The following MICAL2 variants were observed in gnomAD, a reference collection of about 807,000 sequenced individuals.
MICAL2 encodes the protein microtubule associated monooxygenase, calponin and LIM domain containing 2, also known as [F-actin]-monooxygenase MICAL2.
Under a neutral mutation model 127.3 loss-of-function variants are expected in MICAL2, and 77 were observed. The observed-to-expected ratio is 0.60, with a 90% confidence interval of 0.50 to 0.73. The LOEUF is 0.73. Ranked by LOEUF, MICAL2 falls within the 30% of genes least tolerant of loss-of-function variation. The probability of loss-of-function intolerance (pLI) is 0.00; values close to 1 mark genes in which losing one functional copy is unlikely to be tolerated. For synonymous variants in MICAL2, 570 were observed against 551.1 expected, an observed-to-expected ratio of 1.03 and a Z score of -0.48; for missense variants, 1,351 against 1,434.4, an observed-to-expected ratio of 0.94 and a Z score of 0.94.
At chr11:12,277,831 A>G (rs903394239) in intron 1 of MICAL2, among the ~76,000 whole-genome samples, 4 of 152,222 alleles carry the variant, frequency 2.6e-5, no homozygotes, top group Non-Finnish European at 1.5e-5. Context: ...GCAAACCTAG[A>G]TGGGCAAGCT....
chr11:12,212,608 A>G (rs1050969347), intron 6 of MICAL2, among the ~76,000 whole-genome samples: 3 of 151,882 alleles, frequency 2.0e-5, no homozygotes, highest in Non-Finnish European at 2.9e-5. Flanking sequence ...TTCAAAGGAC[A>G]CCAGTCATAT....
chr11:12,119,152 T>TC (rs1285493934), intron 1 of MICAL2, among the ~76,000 whole-genome samples: 1 of 152,042 alleles, frequency 6.6e-6, no homozygotes, highest in Non-Finnish European at 1.5e-5. Context: ...GGCTCTGGGT[T>TC]CCCCCCTCCT....
chr11:12,241,141 A>C lies in MICAL2; in HGVS notation c.2316A>C (p.Pro772=), dbSNP rs778859804. 2 of 1,613,932 alleles carry C rather than the reference A, an allele frequency of 1.2e-6. No individual in the cohort carries two copies. The highest frequency in any genetic ancestry group is 2.2e-5 in the South Asian group (2 of 91,056). ...AGCCGGAGGAGGCCACACCCAGCCC[A>C]TCACCTCCTCTGAAAAGGCAGGTAG... The part of the protein sequence containing the change: ...CPKPEEATPS[P]SPPLKRQFPS... Residue 772 remains proline, a synonymous_variant, in exon 18 of 28, where the codon CCA becomes CCC. Coordinates refer to ENST00000683283, the MANE Select transcript of MICAL2 (RefSeq NM_001282663.2).
intron 30 of MICAL2, among the ~76,000 whole-genome samples, chr11:12,323,596 T>G (rs1485747844): frequency 4.0e-5 from 6 of 151,776 alleles, no homozygotes; most frequent in African/African-American, 1.2e-4. Flanking sequence ...ATTATAGCAA[T>G]TCCCAGCTAC....
intron 21 of MICAL2, among the ~76,000 whole-genome samples, chr11:12,248,101 G>C (rs559543915): frequency 3.9e-5 from 6 of 152,308 alleles, no homozygotes; most frequent in African/African-American, 1.4e-4. Flanking sequence ...TACTCACAGG[G>C]ATGCAAACTT....
At chr11:12,330,857 G>GAGA (rs1565307326) in intron 32 of MICAL2, among the ~76,000 whole-genome samples, 2 of 132,628 alleles carry the variant, frequency 1.5e-5, no homozygotes, top group Admixed American at 7.4e-5. Context: ...GACAGAGAGA[G>GAGA]GGGTAGAGAG....
intron 22 of MICAL2, among the ~76,000 whole-genome samples, chr11:12,251,385 T>C (rs1197440455): frequency 1.3e-5 from 2 of 151,920 alleles, no homozygotes; most frequent in Non-Finnish European, 1.5e-5. Context: ...ACCTTCACAT[T>C]GGCCTTTGGG....
chr11:12,207,363 C>A (rs763466329), intron 4 of MICAL2, among the ~76,000 whole-genome samples: 18 of 152,166 alleles, frequency 1.2e-4, no homozygotes, highest in Non-Finnish European at 2.2e-4. Context: ...ACAGAAGGGC[C>A]CACAGAAAGT....
intron 15 of MICAL2, among the ~76,000 whole-genome samples, chr11:12,230,014 T>C (rs984911159): frequency 2.0e-5 from 3 of 152,206 alleles, no homozygotes; most frequent in African/African-American, 7.2e-5. Flanking sequence ...GATGGAGCAC[T>C]TCCTGTGGGT....
intron 1 of MICAL2, among the ~76,000 whole-genome samples, chr11:12,136,608 G>C (rs1474059420): frequency 1.3e-5 from 2 of 152,170 alleles, no homozygotes; most frequent in African/African-American, 2.4e-5. Flanking sequence ...TCATTTTATG[G>C]ATGAGGGAAC....
chr11:12,298,047 T>C lies in MICAL2; in HGVS notation c.5212+3190T>C, dbSNP rs567555786. Among the ~76,000 whole-genome samples, 12 of 152,028 alleles carry C rather than the reference T, an allele frequency of 7.9e-5. No individual in the cohort carries two copies. In the Middle Eastern group the frequency reaches 0.014, roughly 175 times the overall value. ...TCTATATGAACTTAGTATAAGCTTG[T>C]CTATCTACCAAAAAAAAAGTCCTGT... On this transcript the variant is annotated intron_variant, in intron 29 of 34. Coordinates refer to the MICAL2 transcript ENST00000646065.
chr11:12,326,615 A>G (rs1243939027), intron 31 of MICAL2, among the ~76,000 whole-genome samples: 3 of 152,216 alleles, frequency 2.0e-5, no homozygotes, highest in Non-Finnish European at 2.9e-5. Context: ...CCCATGGTGC[A>G]ATGAAAGAAC....
At chr11:12,302,592 T>TG (rs1452473322) in intron 29 of MICAL2, among the ~76,000 whole-genome samples, 3 of 152,210 alleles carry the variant, frequency 2.0e-5, no homozygotes, top group Non-Finnish European at 2.9e-5. Context: ...CTTTTGCCCA[T>TG]ACTTTTATTG....
intron 2 of MICAL2, among the ~76,000 whole-genome samples, chr11:12,158,617 T>TA (rs1253985609): frequency 2.0e-5 from 3 of 152,222 alleles, no homozygotes; most frequent in Admixed American, 6.5e-5. Flanking sequence ...TTAGGTATTA[T>TA]AAGTAATCTA....
intron 15 of MICAL2, among the ~76,000 whole-genome samples, chr11:12,233,444 A>T (rs1389454254): frequency 6.6e-6 from 1 of 152,236 alleles, no homozygotes; most frequent in Non-Finnish European, 1.5e-5. Flanking sequence ...TATGACCCAT[A>T]TCTAAATTAT....
chr11:12,214,895 T>C (rs1855954211), intron 7 of MICAL2, among the ~76,000 whole-genome samples: 5 of 152,218 alleles, frequency 3.3e-5, no homozygotes, highest in Non-Finnish European at 7.4e-5. Flanking sequence ...CTGTTACAGA[T>C]AACACTGCTT....
chr11:12,280,263 C>G (rs868088304), intron 1 of MICAL2, among the ~76,000 whole-genome samples: 3 of 152,090 alleles, frequency 2.0e-5, no homozygotes, highest in South Asian at 2.1e-4. Context: ...ATGAGCTTAT[C>G]TGACCAGAGA....
At chr11:12,276,998 C>G (rs895080638) in intron 1 of MICAL2, among the ~76,000 whole-genome samples, 3 of 152,126 alleles carry the variant, frequency 2.0e-5, no homozygotes, top group Non-Finnish European at 4.4e-5. Flanking sequence ...TGCTGAGTGA[C>G]AAACCAGCCC....
intron 2 of MICAL2, among the ~76,000 whole-genome samples, chr11:12,285,247 C>G (rs762743110): frequency 6.6e-6 from 1 of 152,022 alleles, no homozygotes; most frequent in Non-Finnish European, 1.5e-5. Flanking sequence ...AACCTCTGAG[C>G]GCAGAGTCTG....
Sources: allele counts gnomAD v4.1 joint callset (sites outside exome capture counted in the v4.1 genomes callset), GRCh38; gene constraint gnomAD v4.1.1; transcripts MANE v1.5; gene names NCBI Gene and HGNC (gene_info 2026-07-23, HGNC 2026-07-21).